The following MYO16 variants were observed in gnomAD, a reference collection of about 807,000 sequenced individuals.
MYO16 encodes unconventional myosin-XVI.
In MYO16, 94 loss-of-function variants were observed where a neutral mutation model predicts 205.3. The observed-to-expected ratio is 0.46, with a 90% CI of 0.39 to 0.54. MYO16 has a LOEUF of 0.54. Among genes scored for constraint, MYO16 ranks in the 20% least tolerant of loss-of-function variants. MYO16 has a pLI of 0.00. For missense variants in MYO16, 2,315 were observed against 2,387.5 expected (o/e 0.97, Z 0.63); for synonymous variants, 988 against 954.0 (o/e 1.04, Z -0.66).
intron 28 of MYO16, among the ~76,000 whole-genome samples, chr13:109,112,770 A>G (rs924004326): frequency 2.0e-5 from 3 of 152,204 alleles, no homozygotes; most frequent in African/African-American, 7.2e-5. Context: ...TTTGTAGACA[A>G]ATGAAATTTT....
intron 9 of MYO16, among the ~76,000 whole-genome samples, chr13:108,838,665 CAAA>C (rs36195222): frequency 3.1e-4 from 33 of 107,380 alleles, no homozygotes; most frequent in African/African-American, 4.0e-4. Flanking sequence ...GAGACTGTCT[CAAA>C]AAAAAAAAAA....
chr13:108,977,078 AAC>A (rs1884290491), intron 20 of MYO16, among the ~76,000 whole-genome samples: 1 of 152,202 alleles, frequency 6.6e-6, no homozygotes. Context: ...GGTTTTTCAT[AAC>A]AAATATATAA....
intron 1 of MYO16, among the ~76,000 whole-genome samples, chr13:108,639,160 G>A (rs1180052527): frequency 6.6e-6 from 1 of 152,172 alleles, no homozygotes; most frequent in African/African-American, 2.4e-5. Flanking sequence ...TGATGGTACT[G>A]TAGAGTGTGG....
In MYO16 at chr13:108,904,115, A is replaced by G. The variant is rs551956021; in HGVS notation, c.1778-5888A>G. On this transcript the variant is annotated intron_variant, in intron 15 of 34. Coordinates refer to ENST00000457511, the MANE Select transcript of MYO16 (RefSeq NM_001198950.3). ...CAGCAATGTAACCACAGATCATAGT[A>G]TAAAAAATACCAGGCTCAGCTTTAT... Among the ~76,000 whole-genome samples, 10 of 152,320 alleles carry G rather than the reference A, an allele frequency of 6.6e-5. No individual in the cohort carries two copies. The South Asian group carries it at 1.2e-3, about 19-fold the overall frequency.
At chr13:109,041,504 G>A (rs1476119297) in intron 23 of MYO16, among the ~76,000 whole-genome samples, 1 of 152,188 alleles carries the variant, frequency 6.6e-6, no homozygotes, top group Admixed American at 6.5e-5. Context: ...ATAGGTTAAT[G>A]GAACGGAATA....
At position 108,972,663 on chromosome 13, in the gene MYO16, T is replaced by C. The variant is rs561730702; in HGVS notation, c.2369+7761T>C. On this transcript the variant is annotated intron_variant, in intron 20 of 34. Coordinates refer to ENST00000457511, the MANE Select transcript of MYO16 (RefSeq NM_001198950.3). ...TAGTGTTTTGCTCGGGTGTGACTTGTAGTAAGCGAGGATCATCGATTTGCA... is the reference window on the plus strand; with the variant it reads ...TAGTGTTTTGCTCGGGTGTGACTTGCAGTAAGCGAGGATCATCGATTTGCA... Among the ~76,000 whole-genome samples the C allele has an allele frequency of 9.5e-4, 144 of 151,460 alleles. 1 individual carries two copies. Among genetic ancestry groups the C allele is most frequent in the Non-Finnish European group, 1.0e-4 (7 of 67,864 alleles).
intron 4 of MYO16, among the ~76,000 whole-genome samples, chr13:108,783,522 G>A (rs546264902): frequency 2.0e-5 from 3 of 152,276 alleles, no homozygotes; most frequent in Admixed American, 6.5e-5. Context: ...GACTTTGGGG[G>A]ACTGTTGAGA....
At chr13:108,789,545 T>G (rs924152898) in intron 5 of MYO16, among the ~76,000 whole-genome samples, 4 of 152,188 alleles carry the variant, frequency 2.6e-5, no homozygotes, top group African/African-American at 9.7e-5. Flanking sequence ...GGTTACAGTC[T>G]GCATGACTAC....
At chr13:108,811,815 C>T (rs1887302836) in intron 7 of MYO16, among the ~76,000 whole-genome samples, 1 of 152,152 alleles carries the variant, frequency 6.6e-6, no homozygotes, top group Non-Finnish European at 1.5e-5. Flanking sequence ...AACCCATCAG[C>T]CTCTAACAGG....
intron 4 of MYO16, among the ~76,000 whole-genome samples, chr13:108,765,076 C>A (rs1885734126): frequency 6.6e-6 from 1 of 152,076 alleles, no homozygotes; most frequent in South Asian, 2.1e-4. Flanking sequence ...TGATGTATTT[C>A]TTAATCAGTC....
At chr13:108,920,674 G>A (rs544899108) in intron 16 of MYO16, among the ~76,000 whole-genome samples, 2 of 152,216 alleles carry the variant, frequency 1.3e-5, no homozygotes, top group African/African-American at 4.8e-5. Flanking sequence ...GGCCAGGCTG[G>A]TCTCAAACTC....
intron 4 of MYO16, among the ~76,000 whole-genome samples, chr13:108,735,542 T>C (rs555190744): frequency 7.4e-6 from 1 of 134,822 alleles, no homozygotes; most frequent in African/African-American, 2.6e-5. Flanking sequence ...CAGTCTATCA[T>C]TGATGGACAT....
intron 33 of MYO16, among the ~76,000 whole-genome samples, chr13:109,171,936 T>C (rs1274830039): frequency 3.3e-5 from 5 of 152,162 alleles, no homozygotes; most frequent in African/African-American, 1.2e-4. Flanking sequence ...ACAATAAGGG[T>C]TATTTGTGTT....
chr13:109,178,203 A>G (rs4238265), intron 33 of MYO16, among the ~76,000 whole-genome samples: 102,115 of 152,006 alleles, frequency 0.67, 35,829 homozygotes, highest in African/African-American at 0.87. Context: ...GTGTCCTGCC[A>G]CCACAGTGTC....
the MYO16 span, among the ~76,000 whole-genome samples, chr13:108,528,559 CTCCTCTCCT>C: frequency 9.0e-6 from 1 of 110,536 alleles, no homozygotes; most frequent in African/African-American, 3.5e-5. Flanking sequence ...CTCCTCTCCT[CTCCTCTCCT>C]CTCCCCTCCC....
the MYO16 span, among the ~76,000 whole-genome samples, chr13:108,528,701 CT>C: frequency 8.1e-6 from 1 of 122,854 alleles, no homozygotes; most frequent in Non-Finnish European, 1.7e-5. Flanking sequence ...CTCCTTTCCC[CT>C]CCTCTCCCGT....
chr13:109,178,129 C>T (rs1213377895), intron 33 of MYO16, among the ~76,000 whole-genome samples: 1 of 152,146 alleles, frequency 6.6e-6, no homozygotes, highest in Non-Finnish European at 1.5e-5. Context: ...TGGATTGACA[C>T]ACTCCCTTCC....
rs534071413 is a variant in MYO16, at chr13:108,697,305, C to T, written c.293-15356C>T. ...CTGCTAGATGCCCTTTCTTTACTTC[C>T]GGGACCACCCACTCCCCTCGACAGT... On this transcript the variant is annotated intron_variant, in intron 2 of 34. Transcript: ENST00000457511. Among the ~76,000 whole-genome samples, 16 of 152,258 alleles carry T rather than the reference C, an allele frequency of 1.1e-4. No individual in the cohort carries two copies. The East Asian group carries it at 2.1e-3, about 20-fold the overall frequency.
intron 9 of MYO16, among the ~76,000 whole-genome samples, chr13:108,827,979 T>C (rs455075): frequency 0.62 from 93,738 of 151,704 alleles, 29,781 homozygotes; most frequent in Middle Eastern, 0.72. Context: ...AGTAGTTCAT[T>C]GATGAAAGGG....
Sources: allele counts gnomAD v4.1 joint callset (sites outside exome capture counted in the v4.1 genomes callset), GRCh38; gene constraint gnomAD v4.1.1; transcripts MANE v1.5; gene names NCBI Gene and HGNC (gene_info 2026-07-23, HGNC 2026-07-21).